SUPT7L: variants seen among roughly 807,000 people sequenced by gnomAD.
SUPT7L encodes the protein SPT7 like, STAGA complex subunit gamma.
In SUPT7L, 15 loss-of-function variants were observed where a neutral mutation model predicts 35.7. The observed-to-expected ratio is 0.42, with a 90% CI of 0.28 to 0.65. The LOEUF is 0.65. Ranked by LOEUF, SUPT7L falls within the 30% of genes least tolerant of loss-of-function variation. The pLI, the probability that SUPT7L is intolerant of heterozygous loss-of-function variation, is 0.23. For synonymous variants in SUPT7L, 168 were observed against 186.2 expected, an observed-to-expected ratio of 0.90 and a Z score of 0.79; for missense variants, 434 against 522.2, an observed-to-expected ratio of 0.83 and a Z score of 1.65.
rs1157659886 is a variant in SUPT7L at position 27,652,309 on chromosome 2, G to C, written c.*1176C>G. Reference sequence around the variant, plus strand: ...ATTCTCAATACCTGGGACATTTAAGGCATTCAATAATGAATTAAAGCTGTG... The same window carrying C: ...ATTCTCAATACCTGGGACATTTAAGCCATTCAATAATGAATTAAAGCTGTG... On this transcript the variant is annotated 3_prime_UTR_variant, in exon 6 of 6. Transcript: ENST00000337768. 1 of 152,194 alleles carries C rather than the reference G, an allele frequency of 6.6e-6. No individual in the cohort carries two copies. Among genetic ancestry groups the C allele is most frequent in the African/African-American group, 2.4e-5 (1 of 41,372 alleles). 9.4% of individuals were successfully genotyped at this position (152,194 alleles called of 1,614,324 possible). A position where few individuals can be genotyped will look rare whatever the true frequency, so the allele number is the denominator to read the frequency against.
downstream of SUPT7L, among the ~76,000 whole-genome samples, chr2:27,648,726 C>T (rs12474585): frequency 0.23 from 35,517 of 152,060 alleles, 4,945 homozygotes; most frequent in East Asian, 0.57. Flanking sequence ...ACCGCTGCCT[C>T]CCGGGTTCAA....
chr2:27,648,007 A>G, downstream of SUPT7L: 1 of 919,742 alleles, frequency 1.1e-6, no homozygotes, highest in South Asian at 1.3e-5. Context: ...TTGTTTGCCC[A>G]GGAGTTTCTT....
chr2:27,661,385 G>A lies in SUPT7L; in HGVS notation c.18C>T (p.Tyr6=), dbSNP rs773997268. The part of the protein sequence containing the change: MNLQR[Y]WGEIPISSSQ... ...TTGATGATATTGGTATCTCTCCCCA[G>A]TATCTCAACATTTTGGAATAAGAAG... The change falls in exon 3 of 6, where the codon TAC becomes TAT. Residue 6 remains tyrosine, a synonymous_variant. Coordinates refer to ENST00000337768, the MANE Select transcript of SUPT7L (RefSeq NM_014860.3). The A allele has an allele frequency of 6.2e-7, 1 of 1,613,658 alleles. No homozygotes were observed. The highest frequency in any genetic ancestry group is 8.5e-7 in the Non-Finnish European group (1 of 1,180,020).
At chr2:27,649,513 C>G (rs1674417300), downstream of SUPT7L, among the ~76,000 whole-genome samples, 2 of 152,140 alleles carry the variant, frequency 1.3e-5, no homozygotes, top group Admixed American at 6.5e-5. Context: ...CCCAAAACTT[C>G]CTCATGCCCC....
the SUPT7L span, among the ~76,000 whole-genome samples, chr2:27,644,882 C>G: frequency 6.6e-6 from 1 of 151,832 alleles, no homozygotes; most frequent in Admixed American, 6.6e-5. Context: ...GTATAATGTT[C>G]CAGACCAGCC....
downstream of SUPT7L, among the ~76,000 whole-genome samples, chr2:27,645,912 T>C (rs1674204294): frequency 1.3e-5 from 2 of 152,146 alleles, no homozygotes; most frequent in South Asian, 2.1e-4. Context: ...GTATTTTTAG[T>C]GGAGATGAGG....
Position 27,653,411 on chromosome 2 carries a change from G to C in SUPT7L, c.*74C>G, listed in dbSNP as rs766653680. 428 of 1,524,234 alleles carry C rather than the reference G, an allele frequency of 2.8e-4. 1 individual carries two copies. Among genetic ancestry groups the C allele is most frequent in the Non-Finnish European group, 3.6e-4 (408 of 1,141,790 alleles). 94.4% of individuals were successfully genotyped at this position (1,524,234 alleles called of 1,614,324 possible). A position where few individuals can be genotyped will look rare whatever the true frequency, so the allele number is the denominator to read the frequency against. On this transcript the variant is annotated 3_prime_UTR_variant, in exon 6 of 6. Transcript: ENST00000337768. ...AACAGGAGTCAAATCAATTTTTAAG[G>C]AAACAGATTCTAATACAAAAACCTT...
At chr2:27,659,479 A>G (rs1674952794) in intron 3 of SUPT7L, among the ~76,000 whole-genome samples, 1 of 152,242 alleles carries the variant, frequency 6.6e-6, no homozygotes, top group Non-Finnish European at 1.5e-5. Flanking sequence ...ACCTGAACTC[A>G]TAAAAGACTC....
intron 5 of SUPT7L, among the ~76,000 whole-genome samples, chr2:27,654,181 T>A (rs1674688312): frequency 6.6e-6 from 1 of 152,208 alleles, no homozygotes; most frequent in Non-Finnish European, 1.5e-5. Flanking sequence ...TCTTGCATTA[T>A]GAAAAGTTAA....
downstream of SUPT7L, chr2:27,649,981 C>T (rs1674447366): frequency 1.7e-6 from 1 of 584,652 alleles, no homozygotes; most frequent in Non-Finnish European, 3.1e-6. Context: ...TTCTAGGAGA[C>T]ATTTCCTTTT....
intron 1 of SUPT7L, among the ~76,000 whole-genome samples, chr2:27,663,018 G>A (rs1468028230): frequency 7.0e-6 from 1 of 142,428 alleles, no homozygotes; most frequent in Admixed American, 7.6e-5. Flanking sequence ...GAACTCCTGG[G>A]CTCAAGCAAT....
At position 27,663,449 on chromosome 2, in the gene SUPT7L, T is replaced by C; in HGVS notation, c.-210A>G. The C allele has an allele frequency of 3.0e-6, 1 of 337,566 alleles. No homozygotes were observed. The highest frequency in any genetic ancestry group is 9.8e-4 in the Middle Eastern group (1 of 1,022). The allele number at this position is 337,566 out of a possible 1,614,324, so 20.9% of individuals were successfully genotyped here. ...ACAGGGTCCTGAGGTCGCCTGACGTTCAGGGCAGCCGGAAGACGGGGAGGT... is the reference window on the plus strand; with the variant it reads ...ACAGGGTCCTGAGGTCGCCTGACGTCCAGGGCAGCCGGAAGACGGGGAGGT... On this transcript the variant is annotated 5_prime_UTR_variant, in exon 1 of 6. Coordinates refer to ENST00000337768, the MANE Select transcript of SUPT7L (RefSeq NM_014860.3).
rs1478814733 is a variant in SUPT7L at position 27,652,823 on chromosome 2, TGAG to T, written c.*659_*661del. 6.6e-6 allele frequency: 1 copy of T among 152,576 alleles called. No homozygotes were observed. The highest frequency in any genetic ancestry group is 2.4e-5 in the African/African-American group (1 of 41,362). The allele number at this position is 152,576 out of a possible 1,614,324, so 9.5% of individuals were successfully genotyped here. On this transcript the variant is annotated 3_prime_UTR_variant, in exon 6 of 6. Transcript: ENST00000337768. Reference sequence around the variant, plus strand: ...AGCAGAAATAACAAAGGCAAAAGGATGAGGAGAGATGGAGTAAGTCTAGAGAAG... The same window carrying T: ...AGCAGAAATAACAAAGGCAAAAGGATGAGAGATGGAGTAAGTCTAGAGAAG...
chr2:27,657,728 T>G lies in SUPT7L; in HGVS notation c.420-59A>C. On this transcript the variant is annotated intron_variant, in intron 3 of 5. Transcript: ENST00000337768. The surrounding 1 kb of genome is among the most constrained non-coding windows in gnomAD (Gnocchi z 5.2). ...TCTTGCAAAGGGGTGACCCCTCCTG[T>G]CTTCCCCAGGAGTTTTACAATTCCA... 1 of 1,478,852 alleles carries G rather than the reference T, an allele frequency of 6.8e-7. No individual in the cohort carries two copies. Among genetic ancestry groups the G allele is most frequent in the Non-Finnish European group, 9.1e-7 (1 of 1,100,120 alleles). The allele number at this position is 1,478,852 out of a possible 1,614,324, so 91.6% of individuals were successfully genotyped here.
intron 1 of SUPT7L, among the ~76,000 whole-genome samples, chr2:27,662,704 G>A (rs1369183389): frequency 3.3e-5 from 5 of 152,160 alleles, no homozygotes; most frequent in Non-Finnish European, 7.3e-5. Context: ...TTATGGCTGT[G>A]GTCTTGTTAC....
At position 27,653,318 on chromosome 2, in the gene SUPT7L, A is replaced by C; in HGVS notation, c.*167T>G. The C allele has an allele frequency of 1.0e-6, 1 of 990,892 alleles. No individual in the cohort carries two copies. The highest frequency in any genetic ancestry group is 1.4e-6 in the Non-Finnish European group (1 of 691,596). The allele number at this position is 990,892 out of a possible 1,614,324, so 61.4% of individuals were successfully genotyped here. A position where few individuals can be genotyped will look rare whatever the true frequency, so the allele number is the denominator to read the frequency against. On this transcript the variant is annotated 3_prime_UTR_variant, in exon 6 of 6. Transcript: ENST00000337768. ...GAAAACTATAAAAACTGGATGCAAAAGTAAAATGCAACCTTGTTTGGTGAC... is the reference window on the plus strand; with the variant it reads ...GAAAACTATAAAAACTGGATGCAAACGTAAAATGCAACCTTGTTTGGTGAC...
chr2:27,662,340 G>A (rs1373210968), intron 1 of SUPT7L, 59 bp from the exon 2 acceptor site: 4 of 871,532 alleles, frequency 4.6e-6, no homozygotes, highest in African/African-American at 3.4e-5. Flanking sequence ...GGTAAGTACT[G>A]TTCTAGAGGT....
chr2:27,645,132 T>C, the SUPT7L span, among the ~76,000 whole-genome samples: 1 of 152,048 alleles, frequency 6.6e-6, no homozygotes, highest in African/African-American at 2.4e-5. Context: ...CACGTCTGGC[T>C]AGTTTTAAGG....
At chr2:27,647,995 C>A, downstream of SUPT7L, 2 of 983,500 alleles carry the variant, frequency 2.0e-6, no homozygotes, top group South Asian at 1.3e-5. Context: ...CTTATCCTCA[C>A]ATTGTTTGCC....
Sources: allele counts gnomAD v4.1 joint callset (sites outside exome capture counted in the v4.1 genomes callset), GRCh38; gene constraint gnomAD v4.1.1; non-coding constraint Gnocchi (gnomAD v3.1); transcripts MANE v1.5; gene names NCBI Gene and HGNC (gene_info 2026-07-23, HGNC 2026-07-21).